The following CLHC1 variants were observed in gnomAD, a reference collection of about 807,000 sequenced individuals.
CLHC1 encodes the protein clathrin heavy chain linker domain-containing protein 1.
CLHC1 carries 72 observed loss-of-function variants against 69.5 expected under a neutral mutation model. The observed-to-expected ratio is 1.04, with a 90% CI of 0.86 to 1.26. The LOEUF is 1.26. Among genes scored for constraint, CLHC1 ranks in the 50% most tolerant of loss-of-function variants. The probability of loss-of-function intolerance (pLI) is 0.00; values close to 1 mark genes in which losing one functional copy is unlikely to be tolerated. For synonymous variants in CLHC1, 223 were observed against 224.3 expected (o/e 0.99, Z 0.05); for missense variants, 790 against 679.3 (o/e 1.16, Z -1.81).
At chr2:55,193,420 A>G (rs1414276419) in intron 9 of CLHC1, among the ~76,000 whole-genome samples, 2 of 152,172 alleles carry the variant, frequency 1.3e-5, no homozygotes, top group African/African-American at 4.8e-5. Flanking sequence ...AATTCAGACT[A>G]TATAAGGAAC....
At position 55,175,815 on chromosome 2, in the gene CLHC1, T is replaced by G. The variant is rs536002957; in HGVS notation, c.1736A>C (p.Asn579Thr). The change falls in exon 13 of 13, where the codon AAC (asparagine) becomes ACC (threonine). Residue 579 changes from asparagine (N) to threonine (T), a missense_variant. Physicochemically the swap from Asn to Thr is moderately conservative, Grantham distance 65. Transcript: ENST00000401408. ...TEISEEDDAV[N>T]LMEHVFW Reference sequence around the variant, plus strand: ...CTACCAAAACACATGTTCCATTAGGTTGACTGCGTCATCCTCTTCAGAAAT... The same window carrying G: ...CTACCAAAACACATGTTCCATTAGGGTGACTGCGTCATCCTCTTCAGAAAT... The G allele has an allele frequency of 2.6e-5, 42 of 1,613,786 alleles. 1 individual carries two copies. In the South Asian group the frequency reaches 4.4e-4, roughly 17 times the overall value.
intron 9 of CLHC1, among the ~76,000 whole-genome samples, chr2:55,186,187 C>T (rs1670396643): frequency 6.6e-6 from 1 of 152,254 alleles, no homozygotes; most frequent in South Asian, 2.1e-4. Flanking sequence ...TCAAAGCCAA[C>T]AAATTAACAA....
chr2:55,211,502 CAAAAAAAA>C (rs35216255), intron 5 of CLHC1, among the ~76,000 whole-genome samples: 6 of 82,264 alleles, frequency 7.3e-5, no homozygotes, highest in East Asian at 3.2e-4. Context: ...ACTATGTCTC[CAAAAAAAA>C]AAAAAAAAAA....
At chr2:55,180,789 A>G (rs1254463282) in intron 10 of CLHC1, 77 bp from the exon 11 acceptor site, 11 of 1,153,636 alleles carry the variant, frequency 9.5e-6, no homozygotes, top group Non-Finnish European at 1.4e-5. Context: ...TTGAAAATTC[A>G]GCACAGTAGG....
chr2:55,203,189 T>C (rs1005490972), intron 9 of CLHC1, among the ~76,000 whole-genome samples: 2 of 152,144 alleles, frequency 1.3e-5, no homozygotes, highest in African/African-American at 2.4e-5. Flanking sequence ...ACATATGCCA[T>C]ATTCATGGAT....
intron 9 of CLHC1, among the ~76,000 whole-genome samples, chr2:55,204,150 G>A (rs1035184970): frequency 7.9e-5 from 12 of 152,154 alleles, no homozygotes; most frequent in African/African-American, 2.9e-4. Flanking sequence ...TGGGCATGGT[G>A]GTGCATGCTT....
chr2:55,199,296 C>CAAAAAA (rs57570449), intron 9 of CLHC1, among the ~76,000 whole-genome samples: 79 of 70,934 alleles, frequency 1.1e-3, no homozygotes, highest in African/African-American at 1.7e-3. Flanking sequence ...GACTCCATCT[C>CAAAAAA]AAAAAAAAAA....
At chr2:55,183,964 A>G (rs1225168083) in intron 9 of CLHC1, among the ~76,000 whole-genome samples, 1 of 152,162 alleles carries the variant, frequency 6.6e-6, no homozygotes, top group East Asian at 1.9e-4. Context: ...TATTTTTAGT[A>G]GAGACAGGGT....
intron 3 of CLHC1, among the ~76,000 whole-genome samples, chr2:55,221,836 G>A (rs1164626806): frequency 1.3e-5 from 2 of 152,104 alleles, no homozygotes; most frequent in Admixed American, 1.3e-4. Flanking sequence ...AATTAGTCAG[G>A]AGTGGTGGCA....
chr2:55,209,609 A>G (rs1202360080), intron 6 of CLHC1, 21 bp downstream of exon 6: 2 of 1,607,874 alleles, frequency 1.2e-6, no homozygotes. Flanking sequence ...AACTTTAAAA[A>G]CATATAATCA....
chr2:55,206,400 G>T, intron 8 of CLHC1, 24 bp from the exon 9 acceptor site: 1 of 1,260,984 alleles, frequency 7.9e-7, no homozygotes, highest in Non-Finnish European at 1.2e-6. Context: ...ATTTTAAAAT[G>T]CATTATAATG....
intron 4 of CLHC1, chr2:55,214,242 G>A (rs35161040): frequency 0.38 from 58,071 of 152,134 alleles, 13,309 homozygotes; most frequent in East Asian, 0.51. Context: ...GGGCGCGGTG[G>A]CTCATGCCTG....
chr2:55,177,325 T>G (rs985518047), intron 12 of CLHC1, among the ~76,000 whole-genome samples: 1 of 152,218 alleles, frequency 6.6e-6, no homozygotes, highest in Non-Finnish European at 1.5e-5. Context: ...CATATGTCAA[T>G]ATATACAAAG....
At position 55,177,677 on chromosome 2, in the gene CLHC1, T is replaced by A; in HGVS notation, c.1489A>T (p.Ile497Leu). Residue 497 changes from isoleucine to leucine, a missense_variant, in exon 12 of 13, where the codon ATA (isoleucine) becomes TTA (leucine). Ile to Leu is a conservative substitution (Grantham distance 5, BLOSUM62 2). Coordinates refer to ENST00000401408, the MANE Select transcript of CLHC1 (RefSeq NM_152385.4). ...ATGTCTGCAGAGAACAGATGAAGTA[T>A]AGCAAGACCAAAAGATAAAGATGGT... ...KQPSLSFGLAILHLFSADMKK... is the reference protein window; with the variant it reads ...KQPSLSFGLALLHLFSADMKK... 1 of 1,613,442 alleles carries A rather than the reference T, an allele frequency of 6.2e-7. No individual in the cohort carries two copies. Among genetic ancestry groups the A allele is most frequent in the South Asian group, 1.1e-5 (1 of 91,038 alleles).
intron 11 of CLHC1, among the ~76,000 whole-genome samples, chr2:55,179,667 C>T (rs576603324): frequency 1.3e-5 from 2 of 152,146 alleles, no homozygotes; most frequent in East Asian, 3.9e-4. Flanking sequence ...GTCAGCAATG[C>T]CTGTACTTAC....
At chr2:55,219,579 TTTA>T (rs1673915139) in intron 3 of CLHC1, among the ~76,000 whole-genome samples, 1 of 152,156 alleles carries the variant, frequency 6.6e-6, no homozygotes, top group East Asian at 1.9e-4. Context: ...GTTTTATTTA[TTTA>T]TTTATTTATT....
chr2:55,174,774 T>C lies in CLHC1; in HGVS notation c.*1016A>G, dbSNP rs948907831. 6.6e-6 allele frequency: 1 copy of C among 151,802 alleles called. No homozygotes were observed. Among genetic ancestry groups the C allele is most frequent in the African/African-American group, 2.4e-5 (1 of 41,328 alleles). 9.4% of individuals were successfully genotyped at this position (151,802 alleles called of 1,614,324 possible). A position where few individuals can be genotyped will look rare whatever the true frequency, so the allele number is the denominator to read the frequency against. On this transcript the variant is annotated 3_prime_UTR_variant, in exon 13 of 13. Coordinates refer to ENST00000401408, the MANE Select transcript of CLHC1 (RefSeq NM_152385.4). ...GATCATTTTCATTTTTTACTTGAAA[T>C]TTTTTTTTCTTTTTTTAATAACAGA... is the stretch of plus-strand genomic sequence containing the variant.
chr2:55,199,630 T>C lies in CLHC1; in HGVS notation c.1006+6640A>G, dbSNP rs563206582. Among the ~76,000 whole-genome samples the C allele has an allele frequency of 2.0e-5, 3 of 152,306 alleles. No homozygotes were observed. The South Asian group carries it at 6.2e-4, about 32-fold the overall frequency. On this transcript the variant is annotated intron_variant, in intron 9 of 12. Coordinates refer to ENST00000401408, the MANE Select transcript of CLHC1 (RefSeq NM_152385.4). ...TTTTTATTAGTTTTCTCTTTGCTTG[T>C]TAGTTTTTTATTTGTTTATGCAATC... is the stretch of plus-strand genomic sequence containing the variant.
At chr2:55,219,989 C>A (rs1673957766) in intron 3 of CLHC1, among the ~76,000 whole-genome samples, 2 of 152,156 alleles carry the variant, frequency 1.3e-5, no homozygotes, top group Non-Finnish European at 2.9e-5. Flanking sequence ...TCCTACCAAT[C>A]CTCCCAAAGT....
Sources: allele counts gnomAD v4.1 joint callset (sites outside exome capture counted in the v4.1 genomes callset), GRCh38; gene constraint gnomAD v4.1.1; transcripts MANE v1.5; gene names NCBI Gene and HGNC (gene_info 2026-07-23, HGNC 2026-07-21).